Variants in SPATS2L observed in about 807,000 individuals in gnomAD.
SPATS2L encodes SPATS2-like protein.
SPATS2L carries 30 observed loss-of-function variants against 59.6 expected under a neutral mutation model. The ratio of observed to expected loss-of-function variants is 0.50; its 90% CI spans 0.38 to 0.68. The LOEUF is 0.68. Among genes scored for constraint, SPATS2L ranks in the 30% least tolerant of loss-of-function variants. SPATS2L has a pLI of 0.00. For synonymous variants in SPATS2L, 252 were observed against 263.5 expected, an observed-to-expected ratio of 0.96 and a Z score of 0.42; for missense variants, 615 against 700.0, an observed-to-expected ratio of 0.88 and a Z score of 1.37.
intron 2 of SPATS2L, among the ~76,000 whole-genome samples, chr2:200,333,413 G>T (rs2080023454): frequency 6.6e-6 from 1 of 151,698 alleles, no homozygotes; most frequent in Non-Finnish European, 1.5e-5. Flanking sequence ...GGTTACATAT[G>T]AGTGTTTGTT....
At chr2:200,332,976 CATG>C (rs1413061966) in intron 2 of SPATS2L, among the ~76,000 whole-genome samples, 1 of 152,032 alleles carries the variant, frequency 6.6e-6, no homozygotes, top group Admixed American at 6.6e-5. Flanking sequence ...ATCCCACAGA[CATG>C]ATGTTGAAAG....
chr2:200,376,735 T>C (rs904262132), intron 2 of SPATS2L, among the ~76,000 whole-genome samples: 5 of 152,254 alleles, frequency 3.3e-5, no homozygotes, highest in Non-Finnish European at 7.3e-5. Context: ...TTTAAAAGCA[T>C]GGAACACAAA....
At chr2:200,438,968 G>C (rs951986746) in intron 6 of SPATS2L, among the ~76,000 whole-genome samples, 154 bp from the exon 7 acceptor site, 1 of 152,096 alleles carries the variant, frequency 6.6e-6, no homozygotes, top group African/African-American at 2.4e-5. Flanking sequence ...CTAATCTTCT[G>C]GGGATTCTTT....
Position 200,339,248 on chromosome 2 carries a change from CT to C in SPATS2L, c.-23+9777del, listed in dbSNP as rs545738744. Reference sequence around the variant, plus strand: ...CTGGAAGTAATTTTAGCTTTTTTTTCTTTTTTTTTATGCTTCTTTATGGAAG... The same window carrying C: ...CTGGAAGTAATTTTAGCTTTTTTTTCTTTTTTTTATGCTTCTTTATGGAAG... On this transcript the variant is annotated intron_variant, in intron 2 of 12. Coordinates refer to ENST00000409140, the MANE Select transcript of SPATS2L (RefSeq NM_001100423.2). Among the ~76,000 whole-genome samples, 216 of 151,108 alleles carry C rather than the reference CT, an allele frequency of 1.4e-3. 1 individual carries two copies. Among genetic ancestry groups the C allele is most frequent in the Admixed American group, 3.8e-3 (58 of 15,140 alleles).
intron 2 of SPATS2L, among the ~76,000 whole-genome samples, chr2:200,376,831 C>T (rs2081616346): frequency 1.3e-5 from 2 of 152,214 alleles, no homozygotes. Flanking sequence ...GGCCGCCACC[C>T]TCTCCTCTCT....
intron 6 of SPATS2L, among the ~76,000 whole-genome samples, chr2:200,421,331 T>C (rs2083298495): frequency 6.6e-6 from 1 of 152,210 alleles, no homozygotes; most frequent in African/African-American, 2.4e-5. Flanking sequence ...AGAACTTTAC[T>C]GAGTGCCCTC....
chr2:200,414,026 G>C (rs1232124670), intron 4 of SPATS2L, among the ~76,000 whole-genome samples: 2 of 152,076 alleles, frequency 1.3e-5, no homozygotes, highest in Non-Finnish European at 2.9e-5. Context: ...GGTTTTACTT[G>C]CCAACATCAC....
intron 2 of SPATS2L, among the ~76,000 whole-genome samples, chr2:200,349,424 T>A (rs1574463029): frequency 6.6e-6 from 1 of 152,276 alleles, no homozygotes; most frequent in African/African-American, 2.4e-5. Context: ...TCGTTTGAGG[T>A]CAAGAATTTG....
chr2:200,432,770 T>C (rs1212770833), intron 6 of SPATS2L, among the ~76,000 whole-genome samples: 1 of 152,098 alleles, frequency 6.6e-6, no homozygotes, highest in Non-Finnish European at 1.5e-5. Flanking sequence ...GGATATATAA[T>C]GGATGAAGAA....
At chr2:200,307,483 G>T (rs2079062506) in intron 1 of SPATS2L, among the ~76,000 whole-genome samples, 1 of 152,012 alleles carries the variant, frequency 6.6e-6, no homozygotes, top group Non-Finnish European at 1.5e-5. Flanking sequence ...GGATGCGTTG[G>T]CGTCCGCGCT....
intron 2 of SPATS2L, among the ~76,000 whole-genome samples, chr2:200,361,244 T>G (rs912362804): frequency 2.0e-5 from 3 of 152,084 alleles, no homozygotes; most frequent in African/African-American, 7.2e-5. Context: ...TTATTGCTTC[T>G]CATGTAAGCA....
chr2:200,415,587 T>A (rs1023625539), intron 4 of SPATS2L, among the ~76,000 whole-genome samples: 1 of 152,176 alleles, frequency 6.6e-6, no homozygotes, highest in Non-Finnish European at 1.5e-5. Context: ...AATGAATGAA[T>A]GAACTTTGTT....
chr2:200,338,726 A>T (rs764737549), intron 2 of SPATS2L, among the ~76,000 whole-genome samples: 5 of 152,218 alleles, frequency 3.3e-5, no homozygotes, highest in Non-Finnish European at 5.9e-5. Context: ...TTTTGTTTTT[A>T]ACACATCAGT....
At chr2:200,310,475 T>C (rs913550282) in intron 1 of SPATS2L, among the ~76,000 whole-genome samples, 7 of 152,236 alleles carry the variant, frequency 4.6e-5, no homozygotes, top group Non-Finnish European at 8.8e-5. Flanking sequence ...ATAATTATAG[T>C]CTACATCTTG....
At position 200,439,120 on chromosome 2, in the gene SPATS2L, A is replaced by T; in HGVS notation, c.446-2A>T. ...CAGTCATTATTTGGTGTTTTCTTACAGAAGGCAACAGACTACTGCAACAGA... is the reference window on the plus strand; with the variant it reads ...CAGTCATTATTTGGTGTTTTCTTACTGAAGGCAACAGACTACTGCAACAGA... On this transcript the variant is annotated splice_acceptor_variant, in intron 6 of 12. Coordinates refer to ENST00000409140, the MANE Select transcript of SPATS2L (RefSeq NM_001100423.2). LOFTEE classifies it high-confidence loss of function. The T allele has an allele frequency of 6.2e-7, 1 of 1,612,344 alleles. No individual in the cohort carries two copies. The highest frequency in any genetic ancestry group is 8.5e-7 in the Non-Finnish European group (1 of 1,178,610).
intron 3 of SPATS2L, among the ~76,000 whole-genome samples, chr2:200,402,221 T>C (rs546781546): frequency 5.3e-5 from 8 of 152,346 alleles, no homozygotes; most frequent in Middle Eastern, 3.4e-3. Context: ...TGACCTTTAA[T>C]ATACAAGCAT....
chr2:200,477,991 C>G lies in SPATS2L; in HGVS notation c.1637C>G (p.Ala546Gly), dbSNP rs774761702. The change falls in exon 13 of 13, where the codon GCA becomes GGA. Residue 546 changes from alanine (A) to glycine (G), a missense_variant. Ala to Gly is a moderately conservative substitution (Grantham distance 60). This residue lies in a region of SPATS2L where 284 missense variants were observed against 280.1 expected (regional missense o/e 1.01). Transcript: ENST00000409140. ...CPTRIEVSTD[A>G]AVLSVPAVTL... is the part of the protein sequence containing the mutation. ...ACGAGAATAGAAGTTTCCACAGATG[C>G]AGCAGTTCTCTCAGTCCCGGCTGTG... The G allele has an allele frequency of 1.9e-6, 3 of 1,588,114 alleles. No individual in the cohort carries two copies. The highest frequency in any genetic ancestry group is 2.6e-6 in the Non-Finnish European group (3 of 1,166,954).
chr2:200,446,086 C>T (rs1251194217), intron 8 of SPATS2L, among the ~76,000 whole-genome samples: 1 of 152,182 alleles, frequency 6.6e-6, no homozygotes, highest in Non-Finnish European at 1.5e-5. Flanking sequence ...CGCCTGTAAT[C>T]CCAACACCTT....
intron 2 of SPATS2L, among the ~76,000 whole-genome samples, chr2:200,354,194 G>T (rs1442975670): frequency 6.6e-6 from 1 of 152,180 alleles, no homozygotes; most frequent in Non-Finnish European, 1.5e-5. Flanking sequence ...AAGGCTCTCT[G>T]CTCTGAATAG....
Sources: allele counts gnomAD v4.1 joint callset (sites outside exome capture counted in the v4.1 genomes callset), GRCh38; gene constraint gnomAD v4.1.1; regional missense constraint gnomAD v4.1.1; transcripts MANE v1.5; gene names NCBI Gene and HGNC (gene_info 2026-07-23, HGNC 2026-07-21).